DNAJC21: variants seen among roughly 807,000 people sequenced by gnomAD.
The protein encoded by DNAJC21 is DnaJ heat shock protein family (Hsp40) member C21.
DNAJC21 carries 63 observed loss-of-function variants against 72.4 expected under a neutral mutation model. That is an observed-to-expected ratio of 0.87 (90% CI 0.71 to 1.07). DNAJC21 has a LOEUF of 1.07. Ranked by LOEUF, DNAJC21 falls within the 50% of genes least tolerant of loss-of-function variation. The probability of loss-of-function intolerance (pLI) is 0.00; values close to 1 mark genes in which losing one functional copy is unlikely to be tolerated. For missense variants in DNAJC21, 634 were observed against 644.8 expected, an observed-to-expected ratio of 0.98 and a Z score of 0.18; for synonymous variants, 203 against 216.7, an observed-to-expected ratio of 0.94 and a Z score of 0.56.
Position 34,937,612 on chromosome 5 carries a change from A to C in DNAJC21, c.725A>C (p.Gln242Pro), listed in dbSNP as rs747868032. 1.9e-6 allele frequency: 3 copies of C among 1,612,812 alleles called. No homozygotes were observed. Among genetic ancestry groups the C allele is most frequent in the Admixed American group, 1.7e-5 (1 of 59,892 alleles). The part of the protein sequence containing the change: ...ARKAEEMRRQ[Q>P]KLKQAKLVEQ... ...AAAGCCGAAGAGATGAGGCGGCAGC[A>C]GAAGCTAAAGCAGGCCAAGTGCGTA... is the stretch of plus-strand genomic sequence containing the variant. Residue 242 changes from glutamine to proline, a missense_variant, in exon 5 of 12, where the codon CAG becomes CCG. Transcript: ENST00000648817.
At chr5:34,935,403 A>G (rs1310400778) in intron 2 of DNAJC21, among the ~76,000 whole-genome samples, 1 of 152,100 alleles carries the variant, frequency 6.6e-6, no homozygotes, top group Non-Finnish European at 1.5e-5. Context: ...GTCCTGTTTT[A>G]TGTTTCTTTC....
chr5:34,930,108 C>T lies in DNAJC21; in HGVS notation c.97+192C>T, dbSNP rs540541886. 380 of 413,668 alleles carry T rather than the reference C, an allele frequency of 9.2e-4. 2 individuals carry two copies. Among genetic ancestry groups the T allele is most frequent in the African/African-American group, 6.9e-3 (324 of 47,082 alleles). The allele number at this position is 413,668 out of a possible 1,614,324, so 25.6% of individuals were successfully genotyped here. A position where few individuals can be genotyped will look rare whatever the true frequency, so the allele number is the denominator to read the frequency against. Reference sequence around the variant, plus strand: ...GGGCGAAGCGCTCTGCCCTGGCGCACCCCGGCTCACACCCCATCTCCTCAT... The same window carrying T: ...GGGCGAAGCGCTCTGCCCTGGCGCATCCCGGCTCACACCCCATCTCCTCAT... On this transcript the variant is annotated intron_variant, in intron 1 of 11. Coordinates refer to ENST00000648817, the MANE Select transcript of DNAJC21 (RefSeq NM_001012339.3).
At chr5:34,950,739 C>G (rs936774164) in intron 10 of DNAJC21, 1 of 991,018 alleles carries the variant, frequency 1.0e-6, no homozygotes, top group Non-Finnish European at 1.2e-6. Context: ...TGTGTTGGGC[C>G]CCACCATGTT....
At position 34,954,730 on chromosome 5, in the gene DNAJC21, TTTTG is replaced by T. The variant is rs748852835; in HGVS notation, c.*21_*24del. Reference sequence around the variant, plus strand: ...AAACAGATAGAGATTCTGCCTGTGCTTTTGTTTGACTGTCTCTAGATTTTGAAAC... The same window carrying T: ...AAACAGATAGAGATTCTGCCTGTGCTTTTGACTGTCTCTAGATTTTGAAAC... On this transcript the variant is annotated 3_prime_UTR_variant, in exon 12 of 12. Coordinates refer to ENST00000648817, the MANE Select transcript of DNAJC21 (RefSeq NM_001012339.3). 8 of 1,555,464 alleles carry T rather than the reference TTTTG, an allele frequency of 5.1e-6. No individual in the cohort carries two copies. The highest frequency in any genetic ancestry group is 2.4e-5 in the East Asian group (1 of 42,424).
intron 10 of DNAJC21, chr5:34,951,300 A>G (rs544917390): frequency 5.7e-4 from 558 of 985,436 alleles, no homozygotes; most frequent in Non-Finnish European, 6.5e-4. Flanking sequence ...TTCCCTTTCT[A>G]CAAATGGGGA....
intron 11 of DNAJC21, chr5:34,954,226 C>A: frequency 2.1e-6 from 1 of 471,670 alleles, no homozygotes; most frequent in Non-Finnish European, 3.7e-6. Flanking sequence ...CTGTTGTTTT[C>A]TATTACTTTT....
chr5:34,952,961 C>G (rs1765425771), intron 10 of DNAJC21, among the ~76,000 whole-genome samples: 1 of 151,826 alleles, frequency 6.6e-6, no homozygotes, highest in African/African-American at 2.4e-5. Flanking sequence ...CCATCCTGGC[C>G]AATATGGTAA....
intron 10 of DNAJC21, among the ~76,000 whole-genome samples, chr5:34,953,288 G>A (rs1268570853): frequency 1.3e-5 from 2 of 151,618 alleles, no homozygotes; most frequent in East Asian, 3.9e-4. Flanking sequence ...CCCTGAAACA[G>A]TCTTACTCTG....
At chr5:34,942,855 G>A (rs917140698) in intron 7 of DNAJC21, among the ~76,000 whole-genome samples, 8 of 152,122 alleles carry the variant, frequency 5.3e-5, no homozygotes, top group African/African-American at 1.7e-4. Context: ...GATCACCTGA[G>A]GTTGGGAGTT....
intron 9 of DNAJC21, among the ~76,000 whole-genome samples, chr5:34,947,040 A>G (rs1580536945): frequency 6.6e-6 from 1 of 152,240 alleles, no homozygotes; most frequent in Middle Eastern, 3.4e-3. Flanking sequence ...TTTGAAGGGA[A>G]GGGCAGTGTG....
intron 5 of DNAJC21, among the ~76,000 whole-genome samples, chr5:34,938,587 A>T (rs1042160159): frequency 6.6e-6 from 1 of 152,226 alleles, no homozygotes; most frequent in Non-Finnish European, 1.5e-5. Context: ...TACCTACATG[A>T]CTTAAAATCA....
rs1405923674 is a variant in DNAJC21, at chr5:34,957,380, A to G, written c.*2666A>G. On this transcript the variant is annotated 3_prime_UTR_variant, in exon 12 of 12. Transcript: ENST00000648817. ...GTGGTGCCAAAGCTGGGGGTTCCCT[A>G]CAATGGCTATTTAGACTTTCCCTGC... 6.6e-6 allele frequency: 1 copy of G among 152,342 alleles called. No individual in the cohort carries two copies. The highest frequency in any genetic ancestry group is 2.4e-5 in the African/African-American group (1 of 41,574). The allele number at this position is 152,342 out of a possible 1,614,324, so 9.4% of individuals were successfully genotyped here. A position where few individuals can be genotyped will look rare whatever the true frequency, so the allele number is the denominator to read the frequency against.
intron 7 of DNAJC21, among the ~76,000 whole-genome samples, chr5:34,944,144 G>A (rs918965563): frequency 6.6e-6 from 1 of 152,218 alleles, no homozygotes; most frequent in Non-Finnish European, 1.5e-5. Flanking sequence ...ACCCTGTTTT[G>A]TTGAATGCTT....
chr5:34,949,550 C>G, intron 9 of DNAJC21: 1 of 1,555,704 alleles, frequency 6.4e-7, no homozygotes, highest in Non-Finnish European at 8.7e-7. Flanking sequence ...TAGGATGTAC[C>G]TGGCAAAGAT....
chr5:34,952,179 G>A (rs1218993403), intron 10 of DNAJC21: 10 of 984,828 alleles, frequency 1.0e-5, no homozygotes, highest in African/African-American at 1.8e-5. Context: ...AAAGGTCTTA[G>A]ATATCAGCTT....
chr5:34,958,003 T>A lies in DNAJC21; in HGVS notation c.*3289T>A, dbSNP rs527339236. The A allele has an allele frequency of 9.3e-4, 141 of 152,284 alleles. No individual in the cohort carries two copies. Among genetic ancestry groups the A allele is most frequent in the African/African-American group, 3.3e-3 (138 of 41,556 alleles). 9.4% of individuals were successfully genotyped at this position (152,284 alleles called of 1,614,324 possible). On this transcript the variant is annotated 3_prime_UTR_variant, in exon 12 of 12. Transcript: ENST00000648817. ...GAAAAATTAGAGGTGATTTTCAGATTTCTTGTTCTATGGAAGAGGAAGCTG... is the reference window on the plus strand; with the variant it reads ...GAAAAATTAGAGGTGATTTTCAGATATCTTGTTCTATGGAAGAGGAAGCTG...
intron 1 of DNAJC21, among the ~76,000 whole-genome samples, chr5:34,931,371 T>A (rs1382340384): frequency 6.6e-6 from 1 of 151,680 alleles, no homozygotes; most frequent in African/African-American, 2.4e-5. Context: ...ATTCTTAGAG[T>A]TTGGGTTAGT....
intron 10 of DNAJC21, chr5:34,950,583 A>G (rs1765330478): frequency 8.9e-7 from 1 of 1,126,802 alleles, no homozygotes; most frequent in African/African-American, 1.6e-5. Flanking sequence ...GAAAGATGTC[A>G]CTTTGATCCA....
intron 2 of DNAJC21, among the ~76,000 whole-genome samples, chr5:34,935,378 G>A (rs150595890): frequency 3.3e-5 from 5 of 152,118 alleles, no homozygotes; most frequent in African/African-American, 1.2e-4. Flanking sequence ...TGATTCTGTG[G>A]GCCAGATTTC....
Sources: allele counts gnomAD v4.1 joint callset (sites outside exome capture counted in the v4.1 genomes callset), GRCh38; gene constraint gnomAD v4.1.1; transcripts MANE v1.5; gene names NCBI Gene and HGNC (gene_info 2026-07-23, HGNC 2026-07-21).